The following SYTL5 variants were observed in gnomAD, a reference collection of about 807,000 sequenced individuals.
SYTL5 encodes synaptotagmin-like protein 5.
A neutral mutation model predicts 55.9 loss-of-function variants in SYTL5; 34 were observed. The observed-to-expected ratio is 0.61, with a 90% CI of 0.46 to 0.81. The LOEUF is 0.81. Among genes scored for constraint, SYTL5 ranks in the 30% least tolerant of loss-of-function variants. The pLI is 0.00. For missense variants in SYTL5, 637 were observed against 546.7 expected (o/e 1.17, Z -1.65); for synonymous variants, 221 against 188.7 (o/e 1.17, Z -1.40).
intron 6 of SYTL5, among the ~76,000 whole-genome samples, chrX:38,079,946 A>G (rs936861053): frequency 8.9e-6 from 1 of 112,385 alleles, no homozygotes; most frequent in African/African-American, 3.2e-5. Context: ...GTTTTTTAGT[A>G]TAAGTATGTT....
chrX:38,095,351 T>G (rs1163877768), intron 8 of SYTL5, among the ~76,000 whole-genome samples: 2 of 112,166 alleles, frequency 1.8e-5, no homozygotes, highest in Non-Finnish European at 3.8e-5. Flanking sequence ...GTCAGGCCTA[T>G]GCTAAGTACT....
Position 38,120,421 on chromosome X carries a change from A to G in SYTL5, c.1660A>G (p.Ile554Val), listed in dbSNP as rs748466943. Reference protein sequence around the residue: ...KGELTVVLRYIPPEENLMLPP... With the variant: ...KGELTVVLRYVPPEENLMLPP... ...AGAGCTGACAGTTGTTTTACGTTAC[A>G]TTCCCCCAGAAGAGAACCTGATGCT... Residue 554 changes from isoleucine (I) to valine (V), a missense_variant, in exon 14 of 17, where the codon ATT (isoleucine) becomes GTT (valine). Physicochemically the swap from Ile to Val is conservative, Grantham distance 29 (BLOSUM62 3). Coordinates refer to ENST00000297875, the MANE Select transcript of SYTL5 (RefSeq NM_138780.3). 2 of 1,210,992 alleles carry G rather than the reference A, an allele frequency of 1.7e-6. No individual in the cohort carries two copies. Among genetic ancestry groups the G allele is most frequent in the East Asian group, 3.0e-5 (1 of 33,845 alleles).
chrX:38,042,506 T>C lies in SYTL5; in HGVS notation c.119+8498T>C, dbSNP rs188695671. 2.7e-5 allele frequency among the ~76,000 whole-genome samples: 3 copies of C among 111,965 alleles called. No homozygotes were observed. The Admixed American group carries it at 2.9e-4, about 11-fold the overall frequency. On this transcript the variant is annotated intron_variant, in intron 2 of 16. Transcript: ENST00000297875. ...CCACATATAGATGAACCTGGGCAGT[T>C]CAAACCCATGTTGTTCAAGGATCCT...
the SYTL5 span, among the ~76,000 whole-genome samples, chrX:37,898,993 T>C: frequency 9.0e-6 from 1 of 111,649 alleles, no homozygotes; most frequent in Non-Finnish European, 1.9e-5. Flanking sequence ...ATCGATATAT[T>C]GAAAAGTACT....
At chrX:38,013,381 C>A (rs191719040) in intron 1 of SYTL5, among the ~76,000 whole-genome samples, 2 of 111,921 alleles carry the variant, frequency 1.8e-5, no homozygotes, top group African/African-American at 3.2e-5. Flanking sequence ...GTGAGAATAT[C>A]ATCTAGTGAT....
chrX:38,075,541 G>A (rs1030096624), intron 5 of SYTL5, among the ~76,000 whole-genome samples: 3 of 111,714 alleles, frequency 2.7e-5, no homozygotes, highest in Non-Finnish European at 3.8e-5. Flanking sequence ...ATCACAAAAC[G>A]GAGGAAGAGT....
the SYTL5 span, among the ~76,000 whole-genome samples, chrX:37,949,897 A>G: frequency 1.6e-3 from 182 of 112,025 alleles, no homozygotes; most frequent in African/African-American, 5.5e-3. Flanking sequence ...CTCCTGTCAT[A>G]TAGACAGTGG....
rs1168074904 is a variant in SYTL5 at position 38,096,165 on chromosome X, G to A, written c.993G>A (p.Glu331=). The A allele has an allele frequency of 8.4e-7, 1 of 1,193,259 alleles. No individual in the cohort carries two copies. The highest frequency in any genetic ancestry group is 1.8e-5 in the South Asian group (1 of 55,000). Residue 331 remains glutamate (E), a synonymous_variant, in exon 9 of 17, where the codon GAG becomes GAA. Transcript: ENST00000297875. Reference sequence around the variant, plus strand: ...GTCGATCTGAGTTAGATTTGAGTGAGTCATTTACAGAAGACTCAGAGGATA... The same window carrying A: ...GTCGATCTGAGTTAGATTTGAGTGAATCATTTACAGAAGACTCAGAGGATA... ...DQSRSELDLS[E]SFTEDSEDTV...
chrX:37,934,918 G>A, the SYTL5 span, among the ~76,000 whole-genome samples: 1 of 111,996 alleles, frequency 8.9e-6, no homozygotes, highest in Non-Finnish European at 1.9e-5. Flanking sequence ...ACAGGCGTGA[G>A]CCACAGCGCC....
At chrX:37,927,068 G>T in the SYTL5 span, among the ~76,000 whole-genome samples, 1 of 111,842 alleles carries the variant, frequency 8.9e-6, no homozygotes, top group Non-Finnish European at 1.9e-5. Context: ...TGATTGGGGG[G>T]TGAACAAAAG....
intron 13 of SYTL5, among the ~76,000 whole-genome samples, chrX:38,117,873 T>C (rs1479442239): frequency 9.0e-6 from 1 of 111,539 alleles, no homozygotes; most frequent in African/African-American, 3.3e-5. Flanking sequence ...GTAGAAGCTG[T>C]CAATCTTAAG....
At chrX:37,943,604 A>G in the SYTL5 span, among the ~76,000 whole-genome samples, 1 of 111,292 alleles carries the variant, frequency 9.0e-6, no homozygotes, top group Middle Eastern at 4.2e-3. Flanking sequence ...TTGATTATAC[A>G]AAGTGTGGGG....
intron 13 of SYTL5, among the ~76,000 whole-genome samples, chrX:38,112,021 G>A (rs1029128199): frequency 1.8e-5 from 2 of 111,401 alleles, no homozygotes; most frequent in Non-Finnish European, 1.9e-5. Context: ...GTCAATGAGT[G>A]GTTCACAGTC....
the SYTL5 span, among the ~76,000 whole-genome samples, chrX:37,919,643 A>G: frequency 1.3e-4 from 15 of 112,237 alleles, no homozygotes; most frequent in Non-Finnish European, 2.8e-4. Context: ...TTGATAGAAG[A>G]CATTTCCACA....
At chrX:37,982,949 A>G in the SYTL5 span, among the ~76,000 whole-genome samples, 1 of 111,549 alleles carries the variant, frequency 9.0e-6, no homozygotes, top group South Asian at 3.7e-4. Flanking sequence ...AACTATATAG[A>G]AATAATGTCT....
chrX:38,012,280 G>A (rs2094310719), intron 1 of SYTL5, among the ~76,000 whole-genome samples: 1 of 111,734 alleles, frequency 8.9e-6, no homozygotes. Context: ...ATCAGGACTT[G>A]GAAAGAAACC....
upstream of SYTL5, among the ~76,000 whole-genome samples, chrX:38,005,974 T>G (rs1054181492): frequency 1.2e-4 from 13 of 111,816 alleles, no homozygotes; most frequent in African/African-American, 3.9e-4. Context: ...TTCTCTAATG[T>G]TCAGCTGAGC....
chrX:38,067,667 TA>T (rs1449250693), intron 3 of SYTL5, among the ~76,000 whole-genome samples: 2 of 111,735 alleles, frequency 1.8e-5, no homozygotes, highest in African/African-American at 6.5e-5. Context: ...AATAAAACTT[TA>T]TTTATATGAT....
chrX:38,116,766 C>A (rs1052797206), intron 13 of SYTL5, among the ~76,000 whole-genome samples: 1 of 112,033 alleles, frequency 8.9e-6, no homozygotes, highest in African/African-American at 3.3e-5. Flanking sequence ...ATATGCCTGG[C>A]CTAAAGAGCT....
Sources: allele counts gnomAD v4.1 joint callset (sites outside exome capture counted in the v4.1 genomes callset), GRCh38; gene constraint gnomAD v4.1.1; transcripts MANE v1.5; gene names NCBI Gene and HGNC (gene_info 2026-07-23, HGNC 2026-07-21).